NSMCE1: variants seen among roughly 807,000 people sequenced by gnomAD.
NSMCE1 encodes the protein non-structural maintenance of chromosomes element 1 homolog.
Under a neutral mutation model 29.6 loss-of-function variants are expected in NSMCE1, and 18 were observed. The observed-to-expected ratio is 0.61, with a 90% CI of 0.42 to 0.90. NSMCE1 has a LOEUF of 0.90. Ranked by LOEUF, NSMCE1 falls within the 40% of genes least tolerant of loss-of-function variation. The pLI is 0.00. For synonymous variants in NSMCE1, 124 were observed against 133.4 expected (o/e 0.93, Z 0.49); for missense variants, 314 against 343.6 (o/e 0.91, Z 0.68).
chr16:27,257,416 A>G lies in NSMCE1; in HGVS notation c.136+19T>C. 6.3e-7 allele frequency: 1 copy of G among 1,596,818 alleles called. No homozygotes were observed. The highest frequency in any genetic ancestry group is 1.7e-5 in the Admixed American group (1 of 57,734). On this transcript the variant is annotated intron_variant, in intron 2 of 7. Coordinates refer to ENST00000361439, the MANE Select transcript of NSMCE1 (RefSeq NM_145080.4). ...AACACAGCACCAGAGCGCCCTGGGA[A>G]CAGGGAAACGGTACTCACGGTCATG...
At chr16:27,235,430 C>T in intron 2 of NSMCE1, 131 bp from the exon 3 acceptor site, 1 of 966,272 alleles carries the variant, frequency 1.0e-6, no homozygotes, top group Non-Finnish European at 1.5e-6. Context: ...AGGCTGCAGC[C>T]TCTTGGGTGA....
rs114502290 is a variant in NSMCE1 at position 27,257,300 on chromosome 16, G to A, written c.136+135C>T. The A allele has an allele frequency of 2.9e-3, 1,831 of 626,824 alleles. 16 individuals are homozygous for A. Among genetic ancestry groups the A allele is most frequent in the African/African-American group, 0.028 (1,498 of 53,308 alleles). 38.8% of individuals were successfully genotyped at this position (626,824 alleles called of 1,614,324 possible). A position where few individuals can be genotyped will look rare whatever the true frequency, so the allele number is the denominator to read the frequency against. On this transcript the variant is annotated intron_variant, in intron 2 of 7. Transcript: ENST00000361439. ...AAGATGAAATTAGAAAGATGGGCCC[G>A]TGTAAGATTGTGAAGAGGCTTGAAT...
At chr16:27,259,299 A>G (rs1046455947) in intron 1 of NSMCE1, among the ~76,000 whole-genome samples, 15 of 152,024 alleles carry the variant, frequency 9.9e-5, no homozygotes, top group African/African-American at 3.4e-4. Context: ...ACACCTGAGC[A>G]TCGAACTCTG....
chr16:27,238,643 G>A (rs933389036), intron 2 of NSMCE1, among the ~76,000 whole-genome samples: 2 of 151,992 alleles, frequency 1.3e-5, no homozygotes, highest in African/African-American at 4.8e-5. Context: ...GAAAGCTGAA[G>A]GGACCAGAGA....
In NSMCE1 at chr16:27,229,014, C is replaced by T. The variant is rs1318024120; in HGVS notation, c.484-2178G>A. Among the ~76,000 whole-genome samples, 3 of 152,140 alleles carry T rather than the reference C, an allele frequency of 2.0e-5. No individual in the cohort carries two copies. In the East Asian group the frequency reaches 5.8e-4, roughly 29 times the overall value. On this transcript the variant is annotated intron_variant, in intron 5 of 7. Coordinates refer to ENST00000361439, the MANE Select transcript of NSMCE1 (RefSeq NM_145080.4). Reference sequence around the variant, plus strand: ...CGCACTCGCTACCGAACAAGCCTGGCCCTGTCACTCCCAACTCACCCCCAC... The same window carrying T: ...CGCACTCGCTACCGAACAAGCCTGGTCCTGTCACTCCCAACTCACCCCCAC...
At chr16:27,260,967 G>C (rs1295010713) in intron 1 of NSMCE1, among the ~76,000 whole-genome samples, 1 of 151,470 alleles carries the variant, frequency 6.6e-6, no homozygotes, top group Non-Finnish European at 1.5e-5. Flanking sequence ...AGGAGGTGGA[G>C]ACCAGCCTGG....
intron 2 of NSMCE1, among the ~76,000 whole-genome samples, chr16:27,250,479 A>AT (rs564189159): frequency 0.017 from 2,462 of 141,910 alleles, 65 homozygotes; most frequent in African/African-American, 0.056. Context: ...TAGCTGTTGG[A>AT]TTTTTTTTTT....
chr16:27,237,806 C>A (rs2083842560), intron 2 of NSMCE1, among the ~76,000 whole-genome samples: 1 of 152,202 alleles, frequency 6.6e-6, no homozygotes, highest in African/African-American at 2.4e-5. Flanking sequence ...CTCCACACCA[C>A]CTCTGGTTTG....
intron 7 of NSMCE1, 116 bp downstream of exon 7, chr16:27,225,610 C>G (rs986260921): frequency 2.4e-6 from 3 of 1,226,194 alleles, no homozygotes; most frequent in South Asian, 1.5e-5. Context: ...GCTGCTAACA[C>G]GGACCCCCAC....
chr16:27,265,998 G>A (rs180832935), intron 1 of NSMCE1, among the ~76,000 whole-genome samples: 1 of 152,262 alleles, frequency 6.6e-6, no homozygotes, highest in Non-Finnish European at 1.5e-5. Context: ...CTTGGTGGCA[G>A]GTACATGAGT....
chr16:27,259,736 C>A (rs1181717296), intron 1 of NSMCE1, among the ~76,000 whole-genome samples: 5 of 152,114 alleles, frequency 3.3e-5, no homozygotes, highest in Non-Finnish European at 7.4e-5. Context: ...AAAATATCCA[C>A]CTAGGCTCAT....
At chr16:27,244,802 TG>T (rs1416888816) in intron 2 of NSMCE1, among the ~76,000 whole-genome samples, 2 of 152,228 alleles carry the variant, frequency 1.3e-5, no homozygotes, top group Non-Finnish European at 2.9e-5. Context: ...CTAAGCAGAA[TG>T]CCAGCTCCCT....
Position 27,226,806 on chromosome 16 carries a change from C to T in NSMCE1, c.514G>A (p.Ala172Thr), listed in dbSNP as rs770561623. The change falls in exon 6 of 8, where the codon GCC becomes ACC. Residue 172 changes from alanine to threonine, a missense_variant. Coordinates refer to ENST00000361439, the MANE Select transcript of NSMCE1 (RefSeq NM_145080.4). ...ATGTATTGCTCCATCTCCAGGATGG[C>T]CCGGCCGTGCAGGGTGAACTCCCCT... is the stretch of plus-strand genomic sequence containing the variant. ...KEGEFTLHGRAILEMEQYIRE... is the reference protein window; with the variant it reads ...KEGEFTLHGRTILEMEQYIRE... The T allele has an allele frequency of 5.6e-6, 9 of 1,613,622 alleles. No homozygotes were observed. In the African/African-American group the frequency reaches 6.7e-5, roughly 12 times the overall value.
At chr16:27,228,835 C>T (rs1275026716) in intron 5 of NSMCE1, among the ~76,000 whole-genome samples, 2 of 149,724 alleles carry the variant, frequency 1.3e-5, no homozygotes, top group South Asian at 2.2e-4. Context: ...CTTCCGCCCT[C>T]CCCTCCAGAT....
chr16:27,231,850 CCT>C (rs1280173920), intron 5 of NSMCE1, among the ~76,000 whole-genome samples: 2 of 152,136 alleles, frequency 1.3e-5, no homozygotes, highest in Admixed American at 6.6e-5. Flanking sequence ...CATCCAGACC[CCT>C]GAGCTGTCAG....
chr16:27,226,859 G>A, intron 5 of NSMCE1, 23 bp from the exon 6 acceptor site: 3 of 1,451,892 alleles, frequency 2.1e-6, no homozygotes, highest in Non-Finnish European at 1.9e-6. Flanking sequence ...ACAGGAGGTG[G>A]CCACCCTCAG....
chr16:27,239,469 G>A (rs562254850), intron 2 of NSMCE1, among the ~76,000 whole-genome samples: 6 of 152,202 alleles, frequency 3.9e-5, no homozygotes, highest in Non-Finnish European at 5.9e-5. Flanking sequence ...AATAAAGTCC[G>A]TATGGTGAGA....
intron 6 of NSMCE1, 26 bp downstream of exon 6, chr16:27,226,694 G>T: frequency 6.8e-7 from 1 of 1,472,216 alleles, no homozygotes; most frequent in Middle Eastern, 1.7e-4. Flanking sequence ...CCAGTGATGA[G>T]CTCCCGTGCC....
chr16:27,236,360 A>G (rs145620887), intron 2 of NSMCE1, among the ~76,000 whole-genome samples: 116 of 140,778 alleles, frequency 8.2e-4, no homozygotes, highest in Admixed American at 1.5e-3. Context: ...GCAGTAGCAC[A>G]GTCTTGGCTC....
Sources: gnomAD v4.1 joint callset for allele counts (sites outside exome capture counted in the v4.1 genomes callset) on GRCh38, gnomAD v4.1.1 for gene constraint, MANE v1.5 for transcripts, NCBI Gene and HGNC (gene_info 2026-07-23, HGNC 2026-07-21) for gene names.